Variants in MEGF6 observed in about 807,000 individuals in gnomAD.
MEGF6 encodes the protein multiple epidermal growth factor-like domains protein 6.
A neutral mutation model predicts 207.1 loss-of-function variants in MEGF6; 184 were observed. That is an observed-to-expected ratio of 0.89 (90% CI 0.79 to 1.00). The LOEUF is 1.00. Ranked by LOEUF, MEGF6 falls within the 50% of genes least tolerant of loss-of-function variation. The probability of loss-of-function intolerance (pLI) is 0.00; values close to 1 mark genes in which losing one functional copy is unlikely to be tolerated. For missense variants in MEGF6, 2,282 were observed against 2,202.9 expected, an observed-to-expected ratio of 1.04 and a Z score of -0.72; for synonymous variants, 1,038 against 910.0, an observed-to-expected ratio of 1.14 and a Z score of -2.53.
intron 4 of MEGF6, 136 bp from the exon 5 acceptor site, chr1:3,524,382 C>G (rs758305957): frequency 1.8e-6 from 2 of 1,121,502 alleles, no homozygotes; most frequent in Non-Finnish European, 1.3e-6. Context: ...GCCCCTCACC[C>G]ACATCTGCCG....
chr1:3,555,871 G>A (rs185284573), intron 4 of MEGF6, among the ~76,000 whole-genome samples: 138 of 152,372 alleles, frequency 9.1e-4, no homozygotes, highest in East Asian at 3.3e-3. Context: ...GCATCCTTCT[G>A]AGCATCTGTC....
chr1:3,548,118 T>C (rs912942548), intron 4 of MEGF6, among the ~76,000 whole-genome samples: 1 of 152,098 alleles, frequency 6.6e-6, no homozygotes, highest in Non-Finnish European at 1.5e-5. Flanking sequence ...TCAGAGCCAG[T>C]GGAGCCCCCA....
intron 23 of MEGF6, 119 bp from the exon 24 acceptor site, chr1:3,499,385 C>T: frequency 6.3e-6 from 9 of 1,432,488 alleles, no homozygotes; most frequent in Non-Finnish European, 8.4e-6. Flanking sequence ...GCCAACTCTC[C>T]CCTCCCTCTG....
chr1:3,600,646 C>G (rs1191691000), intron 2 of MEGF6, among the ~76,000 whole-genome samples: 1 of 152,208 alleles, frequency 6.6e-6, no homozygotes, highest in Non-Finnish European at 1.5e-5. Context: ...GGCTGCACAG[C>G]TGGATTCAGC....
intron 3 of MEGF6, among the ~76,000 whole-genome samples, chr1:3,586,099 C>A (rs933381151): frequency 2.5e-4 from 33 of 131,560 alleles, no homozygotes; most frequent in South Asian, 1.2e-3. Context: ...GACACATGTC[C>A]TGTGTGAGTG....
At chr1:3,558,258 C>A (rs1643093351) in intron 4 of MEGF6, among the ~76,000 whole-genome samples, 1 of 152,294 alleles carries the variant, frequency 6.6e-6, no homozygotes, top group South Asian at 2.1e-4. Context: ...CTCTCGTCCC[C>A]TCCTCTCTCT....
intron 4 of MEGF6, among the ~76,000 whole-genome samples, chr1:3,557,745 T>C (rs1570132483): frequency 6.6e-6 from 1 of 151,350 alleles, no homozygotes; most frequent in Non-Finnish European, 1.5e-5. Flanking sequence ...GCAGGGGGAG[T>C]TCAGGGGATA....
At chr1:3,541,620 C>T (rs955563843) in intron 4 of MEGF6, among the ~76,000 whole-genome samples, 56 of 152,244 alleles carry the variant, frequency 3.7e-4, no homozygotes, top group Non-Finnish European at 4.4e-4. Context: ...AGGGGGGCAG[C>T]CGGTCAGCGC....
chr1:3,592,344 T>C (rs1319244111), intron 3 of MEGF6, among the ~76,000 whole-genome samples: 5 of 151,990 alleles, frequency 3.3e-5, no homozygotes, highest in Non-Finnish European at 1.5e-5. Flanking sequence ...CACTGCTCCC[T>C]CTCTGACGTT....
At position 3,512,077 on chromosome 1, in the gene MEGF6, T is replaced by C. The variant is rs774307336; in HGVS notation, c.905A>G (p.Asn302Ser). ...CACGCACTTGAAGGACCCCTGGGTGTTGAGGCAGCCATGGGCACACTGGGC... is the reference window on the plus strand; with the variant it reads ...CACGCACTTGAAGGACCCCTGGGTGCTGAGGCAGCCATGGGCACACTGGGC... ...GLAQCAHGCLNTQGSFKCVCH... is the reference protein window; with the variant it reads ...GLAQCAHGCLSTQGSFKCVCH... Residue 302 changes from asparagine (N) to serine (S), a missense_variant, in exon 8 of 37, where the codon AAC becomes AGC. Asn to Ser is a conservative substitution (Grantham distance 46). Transcript: ENST00000356575. 2.5e-6 allele frequency: 4 copies of C among 1,612,418 alleles called. No homozygotes were observed. The highest frequency in any genetic ancestry group is 3.4e-6 in the Non-Finnish European group (4 of 1,179,672).
chr1:3,493,745 C>A (rs532518440), intron 34 of MEGF6, 26 bp downstream of exon 34: 9 of 1,606,144 alleles, frequency 5.6e-6, no homozygotes, highest in Admixed American at 1.7e-5. Context: ...CACCCACGCC[C>A]TTCCTGGGCA....
Position 3,509,070 on chromosome 1 carries a change from C to A in MEGF6, c.1528+5G>T. ...GGAGCCCCCGGGGGCTGGGCCCGCG[C>A]TCACCAAACTTCTCTGTGAGCGTGT... is the stretch of plus-strand genomic sequence containing the variant. On this transcript the variant is annotated splice_donor_5th_base_variant and intron_variant, in intron 12 of 36. Transcript: ENST00000356575. The A allele has an allele frequency of 6.3e-7, 1 of 1,579,074 alleles. No individual in the cohort carries two copies. The highest frequency in any genetic ancestry group is 8.6e-7 in the Non-Finnish European group (1 of 1,164,158).
intron 2 of MEGF6, among the ~76,000 whole-genome samples, chr1:3,601,157 G>T (rs757828979): frequency 1.2e-4 from 19 of 152,206 alleles, no homozygotes; most frequent in Non-Finnish European, 2.6e-4. Flanking sequence ...GACCACAATG[G>T]AGAAATCATG....
chr1:3,508,489 A>C, intron 13 of MEGF6, 69 bp downstream of exon 13: 2 of 1,554,232 alleles, frequency 1.3e-6, no homozygotes, highest in South Asian at 2.4e-5. Flanking sequence ...ATGGGCTCAA[A>C]GGGCTGTCCC....
intron 4 of MEGF6, among the ~76,000 whole-genome samples, chr1:3,557,116 G>A (rs929688739): frequency 1.3e-5 from 2 of 152,130 alleles, no homozygotes; most frequent in Non-Finnish European, 2.9e-5. Flanking sequence ...CAAGGAACGT[G>A]TGAGCTCCCC....
chr1:3,505,238 C>T lies in MEGF6; in HGVS notation c.2158G>A (p.Ala720Thr). Residue 720 changes from alanine (A) to threonine (T), a missense_variant, in exon 17 of 37, where the codon GCT becomes ACT. By Grantham distance (58) the Ala-to-Thr change is moderately conservative (BLOSUM62 0). Transcript: ENST00000356575. ...CCACAGTCCTCTCCCTGGAAGCCAG[C>T]AGGACACCGCTTCCCACACTCGCCG... ...VSGECGKRCP[A>T]GFQGEDCGQE... 1.2e-6 allele frequency: 2 copies of T among 1,612,410 alleles called. No individual in the cohort carries two copies. The highest frequency in any genetic ancestry group is 1.7e-6 in the Non-Finnish European group (2 of 1,179,880).
chr1:3,595,228 G>A (rs1002295287), intron 3 of MEGF6, 110 bp downstream of exon 3: 10 of 713,172 alleles, frequency 1.4e-5, no homozygotes, highest in African/African-American at 3.5e-5. Flanking sequence ...TGAGTCTCTC[G>A]TGTTGCTGGG....
intron 4 of MEGF6, among the ~76,000 whole-genome samples, chr1:3,547,275 G>A (rs2101563840): frequency 1.3e-5 from 2 of 152,314 alleles, no homozygotes; most frequent in East Asian, 3.9e-4. Context: ...GAGGGAGGCT[G>A]GGTGTGGAAA....
At chr1:3,577,787 G>A (rs1643682035) in intron 4 of MEGF6, among the ~76,000 whole-genome samples, 1 of 152,224 alleles carries the variant, frequency 6.6e-6, no homozygotes, top group Non-Finnish European at 1.5e-5. Flanking sequence ...CGCAGTGCTG[G>A]CCTGGGCCTG....
Sources: gnomAD v4.1 joint callset for allele counts (sites outside exome capture counted in the v4.1 genomes callset) on GRCh38, gnomAD v4.1.1 for gene constraint, MANE v1.5 for transcripts, NCBI Gene and HGNC (gene_info 2026-07-23, HGNC 2026-07-21) for gene names.